Variants in CACNA1C observed in about 807,000 individuals in gnomAD.
CACNA1C encodes voltage-dependent L-type calcium channel subunit alpha-1C.
CACNA1C carries 30 observed loss-of-function variants against 229.0 expected under a neutral mutation model. That is an observed-to-expected ratio of 0.13 (90% CI 0.10 to 0.18). The LOEUF (loss-of-function observed/expected upper bound fraction) is 0.18, where lower values mean the gene tolerates loss of function less well. Ranked by LOEUF, CACNA1C falls within the 10% of genes least tolerant of loss-of-function variation. The probability of loss-of-function intolerance (pLI) is 1.00; values close to 1 mark genes in which losing one functional copy is unlikely to be tolerated. For missense variants in CACNA1C, 1,658 were observed against 2,845.0 expected, an observed-to-expected ratio of 0.58 and a Z score of 9.49; for synonymous variants, 1,114 against 1,132.5, an observed-to-expected ratio of 0.98 and a Z score of 0.33.
intron 3 of CACNA1C, among the ~76,000 whole-genome samples, chr12:2,166,942 G>A (rs936697621): frequency 1.3e-5 from 2 of 152,180 alleles, no homozygotes; most frequent in Non-Finnish European, 1.5e-5. Context: ...TACACCAGAC[G>A]TAGTAACAGA....
intron 3 of CACNA1C, among the ~76,000 whole-genome samples, chr12:2,283,011 A>C (rs971558507): frequency 1.4e-5 from 2 of 146,888 alleles, no homozygotes; most frequent in African/African-American, 5.0e-5. Flanking sequence ...AGCCAATAAC[A>C]CTCTGGCCCT....
chr12:2,541,173 A>G (rs909497630), intron 9 of CACNA1C, among the ~76,000 whole-genome samples: 4 of 152,050 alleles, frequency 2.6e-5, no homozygotes, highest in East Asian at 3.9e-4. Context: ...GTCTCCAAAC[A>G]TGGCTACGCT....
intron 3 of CACNA1C, among the ~76,000 whole-genome samples, chr12:2,273,217 G>A (rs1484356397): frequency 6.6e-6 from 1 of 152,044 alleles, no homozygotes; most frequent in Non-Finnish European, 1.5e-5. Context: ...TCATCTCCAG[G>A]TTACTTATAC....
chr12:2,087,162 T>G (rs1197955243), intron 1 of CACNA1C, among the ~76,000 whole-genome samples: 1 of 152,192 alleles, frequency 6.6e-6, no homozygotes, highest in East Asian at 1.9e-4. Flanking sequence ...TGTCTGATCT[T>G]GACTCCTCAT....
At chr12:2,186,856 G>A (rs1164926303) in intron 3 of CACNA1C, among the ~76,000 whole-genome samples, 1 of 152,172 alleles carries the variant, frequency 6.6e-6, no homozygotes, top group African/African-American at 2.4e-5. Flanking sequence ...CAGGGGCTCT[G>A]CATTCAGGTC....
At chr12:2,449,608 A>G (rs1407929218) in intron 4 of CACNA1C, among the ~76,000 whole-genome samples, 1 of 152,252 alleles carries the variant, frequency 6.6e-6, no homozygotes, top group East Asian at 1.9e-4. Flanking sequence ...CTTTGAATTC[A>G]GACTTCCCCA....
In CACNA1C at chr12:2,342,163, G is replaced by A. The variant is rs569881858; in HGVS notation, c.478-106813G>A. On this transcript the variant is annotated intron_variant, in intron 3 of 46. Transcript: ENST00000399655. Reference sequence around the variant, plus strand: ...TCTTCCCTTGGCTCCCTTGAGCGGTGTCACCCGACAGATTGCAGTATGATT... The same window carrying A: ...TCTTCCCTTGGCTCCCTTGAGCGGTATCACCCGACAGATTGCAGTATGATT... 4.9e-4 allele frequency among the ~76,000 whole-genome samples: 74 copies of A among 152,292 alleles called. 3 individuals carry two copies. In the South Asian group the frequency reaches 0.015, roughly 30 times the overall value.
At position 2,608,932 on chromosome 12, in the gene CACNA1C, C is replaced by T. The variant is rs1444744384; in HGVS notation, c.3558+220C>T. Among the ~76,000 whole-genome samples, 4 of 152,190 alleles carry T rather than the reference C, an allele frequency of 2.6e-5. No individual in the cohort carries two copies. The highest frequency in any genetic ancestry group is 5.9e-5 in the Non-Finnish European group (4 of 68,036). On this transcript the variant is annotated intron_variant, in intron 27 of 46. Coordinates refer to ENST00000399655, the MANE Select transcript of CACNA1C (RefSeq NM_000719.7). This position sits in a 1 kb window ranked among gnomAD's most constrained non-coding sequence, Gnocchi z 4.2. ...AGATCTGGCAAATGTACTCAGCCAACAAATATCTATGAAGCTTCTACTTAA... is the reference window on the plus strand; with the variant it reads ...AGATCTGGCAAATGTACTCAGCCAATAAATATCTATGAAGCTTCTACTTAA...
intron 3 of CACNA1C, among the ~76,000 whole-genome samples, chr12:2,169,741 C>T (rs2154261572): frequency 6.6e-6 from 1 of 152,300 alleles, no homozygotes; most frequent in East Asian, 1.9e-4. Flanking sequence ...TATTTGAGGG[C>T]ATTGTGAGGC....
At chr12:2,150,909 A>G (rs1057495447) in intron 3 of CACNA1C, among the ~76,000 whole-genome samples, 3 of 152,198 alleles carry the variant, frequency 2.0e-5, no homozygotes, top group African/African-American at 7.2e-5. Flanking sequence ...ACATGTAAAA[A>G]TGGTGGTCAA....
At chr12:2,592,303 G>C (rs944414313) in intron 18 of CACNA1C, among the ~76,000 whole-genome samples, 1 of 152,212 alleles carries the variant, frequency 6.6e-6, no homozygotes, top group African/African-American at 2.4e-5. Context: ...TATGTGCCAG[G>C]CACCGTTCTG....
At chr12:2,283,780 C>T (rs530499788) in intron 3 of CACNA1C, among the ~76,000 whole-genome samples, 2 of 152,316 alleles carry the variant, frequency 1.3e-5, no homozygotes, top group South Asian at 4.2e-4. Flanking sequence ...CTGGGCCCCA[C>T]TTTCAATAGA....
rs2153632749 is a variant in CACNA1C at position 2,647,102 on chromosome 12, A to C, written c.3913-1373A>C. Reference sequence around the variant, plus strand: ...AATCTGTTACCCAAGAAATATTTTCAGGCTGCAAGCAAATGTCTAGTTGTG... The same window carrying C: ...AATCTGTTACCCAAGAAATATTTTCCGGCTGCAAGCAAATGTCTAGTTGTG... On this transcript the variant is annotated intron_variant, in intron 30 of 46. Coordinates refer to ENST00000399655, the MANE Select transcript of CACNA1C (RefSeq NM_000719.7). The surrounding 1 kb of genome is among the most constrained non-coding windows in gnomAD (Gnocchi z 4.2). 6.6e-6 allele frequency among the ~76,000 whole-genome samples: 1 copy of C among 152,382 alleles called. No individual in the cohort carries two copies. Among genetic ancestry groups the C allele is most frequent in the Middle Eastern group, 3.4e-3 (1 of 294 alleles).
At chr12:2,523,497 G>A (rs1018554451) in intron 9 of CACNA1C, among the ~76,000 whole-genome samples, 7 of 152,108 alleles carry the variant, frequency 4.6e-5, no homozygotes, top group South Asian at 2.1e-4. Context: ...TCATGGAACC[G>A]CCTCTGATGA....
intron 3 of CACNA1C, among the ~76,000 whole-genome samples, chr12:2,279,909 G>C (rs1469643968): frequency 2.6e-5 from 4 of 152,140 alleles, no homozygotes; most frequent in Non-Finnish European, 5.9e-5. Flanking sequence ...TGAGGATTTG[G>C]GTATCTGTGG....
intron 5 of CACNA1C, among the ~76,000 whole-genome samples, chr12:2,485,774 A>G (rs2099695142): frequency 6.6e-6 from 1 of 152,186 alleles, no homozygotes; most frequent in South Asian, 2.1e-4. Context: ...ATGCTGCTCT[A>G]GGAGAAAAAG....
At chr12:2,455,286 G>A (rs1017394068) in intron 4 of CACNA1C, among the ~76,000 whole-genome samples, 3 of 151,746 alleles carry the variant, frequency 2.0e-5, no homozygotes, top group African/African-American at 4.8e-5. Flanking sequence ...TTGTCTATAC[G>A]GTAGCCACAC....
intron 4 of CACNA1C, among the ~76,000 whole-genome samples, chr12:2,456,199 T>C (rs541882185): frequency 2.5e-4 from 38 of 152,316 alleles, no homozygotes; most frequent in Non-Finnish European, 4.9e-4. Flanking sequence ...ACCTCACATC[T>C]AGTCCATCAG....
chr12:2,664,578 A>G (rs2095967375), intron 34 of CACNA1C, among the ~76,000 whole-genome samples: 1 of 152,238 alleles, frequency 6.6e-6, no homozygotes, highest in Non-Finnish European at 1.5e-5. Context: ...AAAACATCAC[A>G]TGGATTGCAA....
Sources: gnomAD v4.1 joint callset for allele counts (sites outside exome capture counted in the v4.1 genomes callset) on GRCh38, gnomAD v4.1.1 for gene constraint, Gnocchi (gnomAD v3.1) non-coding constraint, MANE v1.5 for transcripts, NCBI Gene and HGNC (gene_info 2026-07-23, HGNC 2026-07-21) for gene names.